Variants in SYN2 observed in about 807,000 individuals in gnomAD.
SYN2 encodes synapsin-2.
In SYN2, 19 loss-of-function variants were observed where a neutral mutation model predicts 50.9. The ratio of observed to expected loss-of-function variants is 0.37; its 90% confidence interval spans 0.26 to 0.55. The LOEUF (loss-of-function observed/expected upper bound fraction) is 0.55. Ranked by LOEUF, SYN2 falls within the 20% of genes least tolerant of loss-of-function variation. The probability of loss-of-function intolerance (pLI) is 0.81; values close to 1 mark genes in which losing one functional copy is unlikely to be tolerated. For synonymous variants in SYN2, 255 were observed against 224.9 expected (o/e 1.13, Z -1.20); for missense variants, 587 against 576.4 (o/e 1.02, Z -0.19).
At chr3:12,046,193 G>GA (rs769504851) in intron 1 of SYN2, among the ~76,000 whole-genome samples, 16 of 152,156 alleles carry the variant, frequency 1.1e-4, no homozygotes, top group Non-Finnish European at 2.2e-4. Context: ...TAAAATGAAT[G>GA]AATGTCTGGT....
At chr3:12,012,103 A>C (rs1280004861) in intron 1 of SYN2, among the ~76,000 whole-genome samples, 1 of 148,988 alleles carries the variant, frequency 6.7e-6, no homozygotes, top group Admixed American at 6.8e-5. Context: ...AGGGCCACCG[A>C]CTCAAGACAA....
intron 1 of SYN2, among the ~76,000 whole-genome samples, chr3:12,122,931 A>G (rs779812755): frequency 2.6e-5 from 4 of 152,214 alleles, no homozygotes; most frequent in Admixed American, 2.0e-4. Flanking sequence ...GGCAGATATG[A>G]CAAATAGAAT....
At chr3:12,105,112 A>G (rs1696157654) in intron 1 of SYN2, among the ~76,000 whole-genome samples, 1 of 152,152 alleles carries the variant, frequency 6.6e-6, no homozygotes. Context: ...GTCTTTGACA[A>G]TATAACTGAA....
intron 1 of SYN2, among the ~76,000 whole-genome samples, chr3:12,104,437 C>G (rs996316105): frequency 2.0e-5 from 3 of 150,948 alleles, no homozygotes; most frequent in African/African-American, 4.9e-5. Context: ...ATCAAAAAAT[C>G]AGTAAAGATA....
intron 10 of SYN2, among the ~76,000 whole-genome samples, chr3:12,182,433 A>T (rs17036044): frequency 0.051 from 7,798 of 152,208 alleles, 638 homozygotes; most frequent in African/African-American, 0.17. Flanking sequence ...ACTGCCTCTA[A>T]TACAAGCATT....
intron 1 of SYN2, among the ~76,000 whole-genome samples, chr3:12,085,124 AT>A (rs1272796969): frequency 7.3e-6 from 1 of 136,628 alleles, no homozygotes; most frequent in Non-Finnish European, 1.6e-5. Flanking sequence ...AAAAAAAAAA[AT>A]ATGTTGCCTA....
At chr3:12,121,080 G>T (rs1696547711) in intron 1 of SYN2, among the ~76,000 whole-genome samples, 1 of 152,034 alleles carries the variant, frequency 6.6e-6, no homozygotes. Context: ...TATGCTATTT[G>T]CCCAGAATTC....
intron 1 of SYN2, among the ~76,000 whole-genome samples, chr3:12,115,256 A>T (rs982562861): frequency 6.6e-6 from 1 of 152,210 alleles, no homozygotes; most frequent in African/African-American, 2.4e-5. Flanking sequence ...TATCATTAGT[A>T]CTGCTCTTTA....
intron 1 of SYN2, among the ~76,000 whole-genome samples, chr3:12,075,239 A>G (rs1048771475): frequency 4.6e-5 from 7 of 152,162 alleles, no homozygotes; most frequent in Non-Finnish European, 1.0e-4. Flanking sequence ...TTTTTAGCCC[A>G]GTGGCTTCCT....
intron 1 of SYN2, among the ~76,000 whole-genome samples, chr3:12,006,739 C>G (rs1363180290): frequency 6.6e-6 from 1 of 152,130 alleles, no homozygotes; most frequent in Non-Finnish European, 1.5e-5. Flanking sequence ...AGAACTCACT[C>G]AAATTGGGAC....
intron 1 of SYN2, chr3:12,070,429 A>G: frequency 1.8e-6 from 1 of 546,856 alleles, no homozygotes; most frequent in South Asian, 1.5e-5. Flanking sequence ...GACGCTGAAG[A>G]TTGGGACTCT....
chr3:12,129,772 T>C (rs1291590047), intron 1 of SYN2, among the ~76,000 whole-genome samples: 3 of 152,180 alleles, frequency 2.0e-5, no homozygotes, highest in Admixed American at 6.5e-5. Flanking sequence ...AATAGGTCTT[T>C]ACTGAGAGTG....
chr3:12,130,560 C>G (rs965179202), intron 1 of SYN2, among the ~76,000 whole-genome samples: 2 of 152,186 alleles, frequency 1.3e-5, no homozygotes, highest in African/African-American at 4.8e-5. Flanking sequence ...CTGCTTGACT[C>G]AGTCTACTCA....
intron 3 of SYN2, among the ~76,000 whole-genome samples, chr3:12,143,620 T>A (rs1225297349): frequency 6.6e-6 from 1 of 152,202 alleles, no homozygotes; most frequent in Non-Finnish European, 1.5e-5. Context: ...GACATGATTT[T>A]ATTTTTTTAA....
At chr3:12,188,887 C>T (rs78754955) in intron 12 of SYN2, among the ~76,000 whole-genome samples, 4,681 of 152,264 alleles carry the variant, frequency 0.031, 92 homozygotes, top group Non-Finnish European at 0.042. Flanking sequence ...CGCGTGAGGG[C>T]AGATCCTTGG....
chr3:12,157,824 G>A (rs1378853553), intron 5 of SYN2, among the ~76,000 whole-genome samples: 1 of 152,082 alleles, frequency 6.6e-6, no homozygotes, highest in East Asian at 1.9e-4. Flanking sequence ...CCCCTTCAGG[G>A]CAGTCGGTGT....
At chr3:12,184,529 C>T (rs1698299592) in intron 11 of SYN2, 2 of 985,920 alleles carry the variant, frequency 2.0e-6, no homozygotes, top group Non-Finnish European at 2.4e-6. Context: ...AGTGGGTACA[C>T]TGCCTACAGA....
intron 1 of SYN2, among the ~76,000 whole-genome samples, chr3:12,042,598 G>A (rs1204771369): frequency 6.6e-6 from 1 of 152,284 alleles, no homozygotes; most frequent in Non-Finnish European, 1.5e-5. Flanking sequence ...AGGGTGTAGT[G>A]GGTTGAATAG....
At chr3:12,163,445 G>A (rs917153963) in intron 7 of SYN2, among the ~76,000 whole-genome samples, 2 of 148,296 alleles carry the variant, frequency 1.3e-5, no homozygotes, top group African/African-American at 5.0e-5. Context: ...CACCCCTTGA[G>A]TGAGTTAGGC....
Sources: gnomAD v4.1 joint callset for allele counts (sites outside exome capture counted in the v4.1 genomes callset) on GRCh38, gnomAD v4.1.1 for gene constraint, MANE v1.5 for transcripts, NCBI Gene and HGNC (gene_info 2026-07-23, HGNC 2026-07-21) for gene names.